PKM: variants seen among roughly 807,000 people sequenced by gnomAD.
PKM encodes pyruvate kinase PKM.
A neutral mutation model predicts 49.8 loss-of-function variants in PKM; 18 were observed. The observed-to-expected ratio is 0.36, with a 90% CI of 0.25 to 0.54. PKM has a LOEUF of 0.54. Ranked by LOEUF, PKM falls within the 20% of genes least tolerant of loss-of-function variation. PKM has a pLI of 0.89. For missense variants in PKM, 508 were observed against 713.8 expected, an observed-to-expected ratio of 0.71 and a Z score of 3.28; for synonymous variants, 239 against 261.8, an observed-to-expected ratio of 0.91 and a Z score of 0.84.
intron 1 of PKM, chr15:72,219,338 C>T (rs910223973): frequency 1.0e-5 from 5 of 489,208 alleles, no homozygotes; most frequent in African/African-American, 1.9e-5. Context: ...GTTAAAACCT[C>T]CCACCCACTC....
intron 6 of PKM, among the ~76,000 whole-genome samples, chr15:72,208,027 G>T (rs2082131337): frequency 6.6e-6 from 1 of 152,222 alleles, no homozygotes; most frequent in African/African-American, 2.4e-5. Context: ...TGAGCATTGG[G>T]GAGGGGGTAA....
intron 10 of PKM, 132 bp from the exon 11 acceptor site, chr15:72,199,888 A>C (rs2081896209): frequency 4.2e-6 from 3 of 708,336 alleles, no homozygotes; most frequent in Non-Finnish European, 7.9e-6. Flanking sequence ...AGGTGGCACC[A>C]AACTCACAGC....
intron 5 of PKM, chr15:72,209,413 A>C (rs2082175991): frequency 1.2e-4 from 3 of 25,054 alleles, no homozygotes; most frequent in Non-Finnish European, 1.1e-4. Context: ...ATATATATAT[A>C]TATATATATA....
intron 1 of PKM, chr15:72,221,348 C>G (rs2082517487): frequency 1.1e-6 from 1 of 933,616 alleles, no homozygotes; most frequent in African/African-American, 1.6e-5. Flanking sequence ...GGAAAAATTA[C>G]CTTAATAACC....
intron 8 of PKM, among the ~76,000 whole-genome samples, chr15:72,205,144 G>C (rs1007947825): frequency 1.3e-5 from 2 of 151,490 alleles, no homozygotes; most frequent in African/African-American, 4.9e-5. Context: ...TCTTTTTTGA[G>C]ACAGGGTGTC....
At position 72,231,170 on chromosome 15, in the gene PKM, C is replaced by A; in HGVS notation, c.-68G>T. On this transcript the variant is annotated 5_prime_UTR_variant, in exon 1 of 11. Transcript: ENST00000335181. The stretch of plus-strand genomic sequence containing the variant: ...GCAAAGACGAAGAGATCCGGAGCCA[C>A]GGCGCGTGCAGCTGCTGTGCAAGGA... The A allele has an allele frequency of 3.5e-6, 1 of 285,026 alleles. No individual in the cohort carries two copies. Among genetic ancestry groups the A allele is most frequent in the Non-Finnish European group, 7.4e-6 (1 of 135,378 alleles). The allele number at this position is 285,026 out of a possible 1,614,324, so 17.7% of individuals were successfully genotyped here. A position where few individuals can be genotyped will look rare whatever the true frequency, so the allele number is the denominator to read the frequency against.
At chr15:72,210,596 T>G in intron 3 of PKM, 118 bp from the exon 4 acceptor site, 2 of 1,112,904 alleles carry the variant, frequency 1.8e-6, no homozygotes, top group Non-Finnish European at 2.7e-6. Context: ...CTTAGAGCTC[T>G]ATCTCCATCC....
intron 3 of PKM, 131 bp downstream of exon 3, chr15:72,217,278 A>T: frequency 1.4e-6 from 1 of 703,878 alleles, no homozygotes. Context: ...GGGCTAGTAA[A>T]GACAAACTTC....
chr15:72,206,954 C>T (rs2082098719), intron 7 of PKM, 74 bp from the exon 8 acceptor site: 3 of 1,564,144 alleles, frequency 1.9e-6, no homozygotes, highest in African/African-American at 2.7e-5. Context: ...AGCTGATCCT[C>T]TGGATAGTGA....
At position 72,206,663 on chromosome 15, in the gene PKM, A is replaced by G. The variant is rs555107580; in HGVS notation, c.1140+65T>C. The stretch of plus-strand genomic sequence containing the variant: ...GGAGAAACCTAAAAAGCTCTGCACC[A>G]GAGCTTGCATCCATCCCAGGCCCAG... On this transcript the variant is annotated intron_variant, in intron 8 of 10. Coordinates refer to ENST00000335181, the MANE Select transcript of PKM (RefSeq NM_002654.6). 6 of 1,514,898 alleles carry G rather than the reference A, an allele frequency of 4.0e-6. No individual in the cohort carries two copies. In the South Asian group the frequency reaches 6.7e-5, roughly 17 times the overall value. 93.8% of individuals were successfully genotyped at this position (1,514,898 alleles called of 1,614,324 possible).
chr15:72,200,451 T>TAGCCCCTGCTCC lies in PKM; in HGVS notation c.1489+11_1489+22dup. 1.2e-6 allele frequency: 2 copies of TAGCCCCTGCTCC among 1,609,726 alleles called. No individual in the cohort carries two copies. The highest frequency in any genetic ancestry group is 8.5e-7 in the Non-Finnish European group (1 of 1,177,608). ...AGCATCCCCAAGCTCCTCTAGGCTC[T>TAGCCCCTGCTCC]AGCCCCTGCTCCAGCCACGTACCAA... On this transcript the variant is annotated intron_variant, in intron 10 of 10. Coordinates refer to ENST00000335181, the MANE Select transcript of PKM (RefSeq NM_002654.6). The surrounding 1 kb of genome is among the most constrained non-coding windows in gnomAD (Gnocchi z 4.6).
At chr15:72,226,537 T>C (rs1193565121) in intron 1 of PKM, among the ~76,000 whole-genome samples, 1 of 151,762 alleles carries the variant, frequency 6.6e-6, no homozygotes, top group Non-Finnish European at 1.5e-5. Flanking sequence ...CTCAAAAAAA[T>C]AAAATAAAAT....
chr15:72,230,469 A>C (rs1359935555), intron 1 of PKM, among the ~76,000 whole-genome samples: 1 of 152,114 alleles, frequency 6.6e-6, no homozygotes, highest in African/African-American at 2.4e-5. Context: ...CGACCAGAGC[A>C]GAGAGGGAGG....
In PKM at chr15:72,208,679, C is replaced by T. The variant is rs1315530657; in HGVS notation, c.778G>A (p.Glu260Lys). The T allele has an allele frequency of 4.3e-6, 7 of 1,614,034 alleles. No homozygotes were observed. Among genetic ancestry groups the T allele is most frequent in the Non-Finnish European group, 5.1e-6 (6 of 1,180,028 alleles). The change falls in exon 6 of 11, where the codon GAG (glutamate) becomes AAG (lysine). Residue 260 changes from glutamate (E) to lysine (K), a missense_variant. Physicochemically the swap from Glu to Lys is moderately conservative, Grantham distance 56. Coordinates refer to ENST00000335181, the MANE Select transcript of PKM (RefSeq NM_002654.6). Reference protein sequence around the residue: ...DVHEVRKVLGEKGKNIKIISK... With the variant: ...DVHEVRKVLGKKGKNIKIISK... ...ATAATCTTGATGTTCTTTCCCTTCT[C>T]TCCCAGGACCTTCCTAACTTCATGG...
intron 1 of PKM, chr15:72,221,324 C>A: frequency 7.9e-7 from 1 of 1,264,120 alleles, no homozygotes; most frequent in Non-Finnish European, 1.1e-6. Context: ...GTAACTAAAG[C>A]TCTTTGGGGT....
Position 72,231,186 on chromosome 15 carries a change from T to A in PKM, c.-84A>T, listed in dbSNP as rs986534126. On this transcript the variant is annotated 5_prime_UTR_variant, in exon 1 of 11. Coordinates refer to ENST00000335181, the MANE Select transcript of PKM (RefSeq NM_002654.6). The stretch of plus-strand genomic sequence containing the variant: ...CCGGAGCCACGGCGCGTGCAGCTGC[T>A]GTGCAAGGAGCCACTGCCTCAGCCT... The A allele has an allele frequency of 3.6e-6, 1 of 277,358 alleles. No homozygotes were observed. Among genetic ancestry groups the A allele is most frequent in the East Asian group, 1.0e-4 (1 of 9,812 alleles). The allele number at this position is 277,358 out of a possible 1,614,324, so 17.2% of individuals were successfully genotyped here. A position where few individuals can be genotyped will look rare whatever the true frequency, so the allele number is the denominator to read the frequency against.
chr15:72,229,665 A>T lies in PKM; in HGVS notation c.-14+1451T>A. 2.4e-6 allele frequency: 3 copies of T among 1,246,942 alleles called. No homozygotes were observed. The South Asian group carries it at 3.8e-5, about 16-fold the overall frequency. The allele number at this position is 1,246,942 out of a possible 1,614,324, so 77.2% of individuals were successfully genotyped here. ...TTCCTGTCCCCCTCCCTCCCACAGC[A>T]GGAAGCTCGTACCCCACTCCCAGCA... On this transcript the variant is annotated intron_variant, in intron 1 of 10. Coordinates refer to ENST00000335181, the MANE Select transcript of PKM (RefSeq NM_002654.6).
chr15:72,210,024 A>G, intron 4 of PKM, 165 bp from the exon 5 acceptor site: 1 of 686,912 alleles, frequency 1.5e-6, no homozygotes. Flanking sequence ...CTTCACGGAA[A>G]TAATCCAAGA....
At chr15:72,206,553 G>GAA in intron 8 of PKM, 175 bp downstream of exon 8, 10 of 550,600 alleles carry the variant, frequency 1.8e-5, no homozygotes, top group African/African-American at 3.9e-5. Context: ...CAGAACAGGA[G>GAA]AAAAAAAAAA....
Sources: allele counts gnomAD v4.1 joint callset (sites outside exome capture counted in the v4.1 genomes callset), GRCh38; gene constraint gnomAD v4.1.1; non-coding constraint Gnocchi (gnomAD v3.1); transcripts MANE v1.5; gene names NCBI Gene and HGNC (gene_info 2026-07-23, HGNC 2026-07-21).